JAKMIP1: variants seen among roughly 807,000 people sequenced by gnomAD.
JAKMIP1 encodes the protein janus kinase and microtubule-interacting protein 1.
In JAKMIP1, 33 loss-of-function variants were observed where a neutral mutation model predicts 113.0. That is an observed-to-expected ratio of 0.29 (90% CI 0.22 to 0.39). The LOEUF is 0.39. Ranked by LOEUF, JAKMIP1 falls within the 10% of genes least tolerant of loss-of-function variation. The pLI is 1.00. For missense variants in JAKMIP1, 813 were observed against 1,080.5 expected (o/e 0.75, Z 3.47); for synonymous variants, 480 against 459.9 (o/e 1.04, Z -0.56).
rs1042119730 is a variant in JAKMIP1, at chr4:6,069,424, C to T, written c.1303-4416G>A. Reference sequence around the variant, plus strand: ...CAACCAAAGCCTCTCCTTGTTGACTCGTTTCTACAGATGAATCCAGATTCA... The same window carrying T: ...CAACCAAAGCCTCTCCTTGTTGACTTGTTTCTACAGATGAATCCAGATTCA... On this transcript the variant is annotated intron_variant, in intron 8 of 20. Coordinates refer to ENST00000409021, the MANE Select transcript of JAKMIP1 (RefSeq NM_001099433.2). The surrounding 1 kb of genome is among the most constrained non-coding windows in gnomAD (Gnocchi z 4.5). 5.3e-5 allele frequency among the ~76,000 whole-genome samples: 8 copies of T among 152,156 alleles called. No individual in the cohort carries two copies. The highest frequency in any genetic ancestry group is 1.2e-4 in the African/African-American group (5 of 41,448).
intron 1 of JAKMIP1, among the ~76,000 whole-genome samples, chr4:6,132,653 A>AAAT (rs1184069351): frequency 7.6e-5 from 10 of 131,628 alleles, no homozygotes; most frequent in East Asian, 2.8e-4. Flanking sequence ...AAAATAAAAA[A>AAAT]AAAAAAAAAG....
At chr4:6,084,600 T>G (rs1721021224) in intron 5 of JAKMIP1, among the ~76,000 whole-genome samples, 1 of 152,164 alleles carries the variant, frequency 6.6e-6, no homozygotes, top group South Asian at 2.1e-4. Flanking sequence ...GCAATGAACA[T>G]CCTCTCCATG....
At chr4:6,037,097 T>C (rs977078760) in intron 18 of JAKMIP1, among the ~76,000 whole-genome samples, 22 of 125,490 alleles carry the variant, frequency 1.8e-4, no homozygotes, top group African/African-American at 5.5e-4. Context: ...CCTCCATCAC[T>C]GAGGCAGAGG....
chr4:6,074,848 G>C (rs1719478219), intron 8 of JAKMIP1, among the ~76,000 whole-genome samples: 1 of 152,206 alleles, frequency 6.6e-6, no homozygotes, highest in African/African-American at 2.4e-5. Flanking sequence ...GATTACAACT[G>C]CCTACAGTAT....
At chr4:6,047,859 C>A (rs1253975606) in intron 16 of JAKMIP1, among the ~76,000 whole-genome samples, 5 of 152,144 alleles carry the variant, frequency 3.3e-5, no homozygotes, top group Non-Finnish European at 7.3e-5. Context: ...ACACCATAAA[C>A]CAGTGTAAAA....
rs1028390018 is a variant in JAKMIP1 at position 6,180,970 on chromosome 4, A to G, written c.-148+19283T>C. The stretch of plus-strand genomic sequence containing the variant: ...AAAGACCCCTTAAGAAGTCCCAGAA[A>G]AGGCCCCAGCCATCAGGTCGTTTCT... On this transcript the variant is annotated intron_variant, in intron 1 of 20. Coordinates refer to ENST00000409021, the MANE Select transcript of JAKMIP1 (RefSeq NM_001099433.2). The surrounding 1 kb of genome is among the most constrained non-coding windows in gnomAD (Gnocchi z 4.5). 1.3e-5 allele frequency among the ~76,000 whole-genome samples: 2 copies of G among 152,138 alleles called. No homozygotes were observed. Among genetic ancestry groups the G allele is most frequent in the Non-Finnish European group, 2.9e-5 (2 of 68,024 alleles).
Position 6,076,842 on chromosome 4 carries a change from A to G in JAKMIP1, c.1302+2097T>C, listed in dbSNP as rs1224634836. 6.6e-6 allele frequency among the ~76,000 whole-genome samples: 1 copy of G among 152,194 alleles called. No individual in the cohort carries two copies. The highest frequency in any genetic ancestry group is 1.9e-4 in the East Asian group (1 of 5,198). On this transcript the variant is annotated intron_variant, in intron 8 of 20. Transcript: ENST00000409021. This position sits in a 1 kb window ranked among gnomAD's most constrained non-coding sequence, Gnocchi z 4.8. ...TAGCCTGAAGGGAATTGTATATAAT[A>G]TTTTAAATAATTTTGTGCATGAATC...
Position 6,086,245 on chromosome 4 carries a change from T to C in JAKMIP1, c.625-616A>G, listed in dbSNP as rs1041279323. 1.3e-5 allele frequency among the ~76,000 whole-genome samples: 2 copies of C among 152,166 alleles called. No homozygotes were observed. Among genetic ancestry groups the C allele is most frequent in the African/African-American group, 4.8e-5 (2 of 41,442 alleles). ...ATAGACTGTCTTGCTCTGGCTCTCA[T>C]TGAAGCCTGGAGTTTCCAAGGCTCG... On this transcript the variant is annotated intron_variant, in intron 3 of 20. Transcript: ENST00000409021. This position sits in a 1 kb window ranked among gnomAD's most constrained non-coding sequence, Gnocchi z 4.1.
At chr4:6,085,659 C>A (rs375747360) in intron 3 of JAKMIP1, 30 bp from the exon 4 acceptor site, 2 of 1,600,992 alleles carry the variant, frequency 1.2e-6, no homozygotes, top group African/African-American at 1.3e-5. Flanking sequence ...AGCAGTCAGC[C>A]CTAGGGGCTC....
Position 6,119,184 on chromosome 4 carries a change from CCACCCAGTTTGT to C in JAKMIP1, c.-147-6199_-147-6188del, listed in dbSNP as rs1716324262. The stretch of plus-strand genomic sequence containing the variant: ...AACTGCGAGAGTAAATTTCTGTTTA[CCACCCAGTTTGT>C]GGTCATGCTTTATAGAGGCCACAGG... On this transcript the variant is annotated intron_variant, in intron 1 of 20. Coordinates refer to ENST00000409021, the MANE Select transcript of JAKMIP1 (RefSeq NM_001099433.2). Among the ~76,000 whole-genome samples the C allele has an allele frequency of 2.0e-5, 3 of 152,314 alleles. No homozygotes were observed. The South Asian group carries it at 6.2e-4, about 32-fold the overall frequency.
At chr4:6,195,890 C>T (rs1459361295) in intron 1 of JAKMIP1, among the ~76,000 whole-genome samples, 3 of 152,264 alleles carry the variant, frequency 2.0e-5, no homozygotes, top group African/African-American at 7.2e-5. Flanking sequence ...CATACATACA[C>T]AAATGGGCGT....
rs146685517 is a variant in JAKMIP1 at position 6,064,291 on chromosome 4, C to G, written c.1431+589G>C. Among the ~76,000 whole-genome samples, 10 of 152,208 alleles carry G rather than the reference C, an allele frequency of 6.6e-5. No individual in the cohort carries two copies. Among genetic ancestry groups the G allele is most frequent in the Non-Finnish European group, 1.0e-4 (7 of 68,030 alleles). On this transcript the variant is annotated intron_variant, in intron 9 of 20. Transcript: ENST00000409021. The surrounding 1 kb of genome is among the most constrained non-coding windows in gnomAD (Gnocchi z 4.3). ...TTCACCTGGGGAAGGTGAGTGAGAA[C>G]GAAGCTGGTCTTTGCCCCCTCACGA... is the stretch of plus-strand genomic sequence containing the variant.
Position 6,178,703 on chromosome 4 carries a change from A to G in JAKMIP1, c.-148+21550T>C, listed in dbSNP as rs1362368254. ...TGAGTCAATTAAACCTCTTTTCTTTATAAATTCCCGTCACAGGTATGTCTT... is the reference window on the plus strand; with the variant it reads ...TGAGTCAATTAAACCTCTTTTCTTTGTAAATTCCCGTCACAGGTATGTCTT... On this transcript the variant is annotated intron_variant, in intron 1 of 20. Coordinates refer to ENST00000409021, the MANE Select transcript of JAKMIP1 (RefSeq NM_001099433.2). This position sits in a 1 kb window ranked among gnomAD's most constrained non-coding sequence, Gnocchi z 5.5. 1.3e-5 allele frequency among the ~76,000 whole-genome samples: 2 copies of G among 152,196 alleles called. No homozygotes were observed. Among genetic ancestry groups the G allele is most frequent in the African/African-American group, 2.4e-5 (1 of 41,428 alleles).
chr4:6,051,746 A>G lies in JAKMIP1; in HGVS notation c.1807-1067T>C, dbSNP rs1715688399. ...CATACATAAATGACAAGGTTTTAAAAGGTCGGGAAAACCTAATTACTTACA... is the reference window on the plus strand; with the variant it reads ...CATACATAAATGACAAGGTTTTAAAGGGTCGGGAAAACCTAATTACTTACA... On this transcript the variant is annotated intron_variant, in intron 13 of 20. Coordinates refer to ENST00000409021, the MANE Select transcript of JAKMIP1 (RefSeq NM_001099433.2). This position sits in a 1 kb window ranked among gnomAD's most constrained non-coding sequence, Gnocchi z 5.0. 6.6e-6 allele frequency among the ~76,000 whole-genome samples: 1 copy of G among 152,254 alleles called. No individual in the cohort carries two copies. Among genetic ancestry groups the G allele is most frequent in the Non-Finnish European group, 1.5e-5 (1 of 68,046 alleles).
rs1284136929 is a variant in JAKMIP1, at chr4:6,042,560, C to T, written c.2029-333G>A. Reference sequence around the variant, plus strand: ...TATAGCTGATGTCAATGAGTGCCTGCTCTGTGCTGATGCTTCACACAGGAG... The same window carrying T: ...TATAGCTGATGTCAATGAGTGCCTGTTCTGTGCTGATGCTTCACACAGGAG... On this transcript the variant is annotated intron_variant, in intron 16 of 20. Coordinates refer to ENST00000409021, the MANE Select transcript of JAKMIP1 (RefSeq NM_001099433.2). This position sits in a 1 kb window ranked among gnomAD's most constrained non-coding sequence, Gnocchi z 5.2. Among the ~76,000 whole-genome samples, 2 of 151,986 alleles carry T rather than the reference C, an allele frequency of 1.3e-5. No individual in the cohort carries two copies. Among genetic ancestry groups the T allele is most frequent in the South Asian group, 2.1e-4 (1 of 4,816 alleles).
In JAKMIP1 at chr4:6,086,168, G is replaced by A. The variant is rs1721275458; in HGVS notation, c.625-539C>T. ...CTCCGTCACCCACTCCCAGACTCAC[G>A]ACCTCCTGCTCCCTCTCCCCAAGGC... On this transcript the variant is annotated intron_variant, in intron 3 of 20. Transcript: ENST00000409021. The surrounding 1 kb of genome is among the most constrained non-coding windows in gnomAD (Gnocchi z 4.1). Among the ~76,000 whole-genome samples the A allele has an allele frequency of 1.3e-5, 2 of 151,894 alleles. No individual in the cohort carries two copies. The highest frequency in any genetic ancestry group is 2.4e-5 in the African/African-American group (1 of 41,374).
chr4:6,182,733 C>A (rs1031654438), intron 1 of JAKMIP1, among the ~76,000 whole-genome samples: 1 of 152,212 alleles, frequency 6.6e-6, no homozygotes, highest in Non-Finnish European at 1.5e-5. Context: ...TGTGTGATGA[C>A]AAGGAGTCTG....
intron 3 of JAKMIP1, 28 bp downstream of exon 3, chr4:6,105,445 C>T (rs758536987): frequency 3.2e-6 from 5 of 1,555,504 alleles, no homozygotes; most frequent in African/African-American, 2.7e-5. Flanking sequence ...GCCGCGTGCC[C>T]GCGGGCGGGG....
chr4:6,151,981 G>T (rs138323952), intron 1 of JAKMIP1, among the ~76,000 whole-genome samples: 1 of 152,050 alleles, frequency 6.6e-6, no homozygotes, highest in African/African-American at 2.4e-5. Context: ...TAACCACTAC[G>T]GGGCTCGCCA....
Sources: allele counts gnomAD v4.1 joint callset (sites outside exome capture counted in the v4.1 genomes callset), GRCh38; gene constraint gnomAD v4.1.1; non-coding constraint Gnocchi (gnomAD v3.1); transcripts MANE v1.5; gene names NCBI Gene and HGNC (gene_info 2026-07-23, HGNC 2026-07-21).